Variants in JAZF1 observed in about 807,000 individuals in gnomAD.
JAZF1 encodes JAZF zinc finger 1.
A neutral mutation model predicts 26.4 loss-of-function variants in JAZF1; 8 were observed. The ratio of observed to expected loss-of-function variants is 0.30; its 90% CI spans 0.18 to 0.55. JAZF1 has a LOEUF of 0.55. Ranked by LOEUF, JAZF1 falls within the 20% of genes least tolerant of loss-of-function variation. JAZF1 has a pLI of 0.94. For synonymous variants in JAZF1, 126 were observed against 122.3 expected (o/e 1.03, Z -0.20); for missense variants, 199 against 322.0 (o/e 0.62, Z 2.92).
chr7:27,952,722 A>G, intron 2 of JAZF1, among the ~76,000 whole-genome samples: 1 of 152,214 alleles, frequency 6.6e-6, no homozygotes, highest in Non-Finnish European at 1.5e-5. Flanking sequence ...CCTTTCTATT[A>G]AAATCAGATG....
intron 1 of JAZF1, among the ~76,000 whole-genome samples, chr7:28,072,454 A>C (rs148223283): frequency 4.0e-3 from 605 of 152,388 alleles, no homozygotes; most frequent in Middle Eastern, 0.02. Flanking sequence ...ATATGGCTAT[A>C]TGCAACTCTA....
At chr7:28,047,744 C>T (rs113088948) in intron 1 of JAZF1, among the ~76,000 whole-genome samples, 3 of 152,008 alleles carry the variant, frequency 2.0e-5, no homozygotes, top group Non-Finnish European at 2.9e-5. Context: ...CCTTTTATGC[C>T]GTTAACTAAG....
At chr7:27,910,990 C>A (rs573201200) in intron 2 of JAZF1, among the ~76,000 whole-genome samples, 2 of 152,146 alleles carry the variant, frequency 1.3e-5, no homozygotes, top group Non-Finnish European at 2.9e-5. Context: ...GAGACAAATA[C>A]CCTAACTAAA....
intron 1 of JAZF1, among the ~76,000 whole-genome samples, chr7:28,011,447 TC>T (rs1373835313): frequency 6.6e-6 from 1 of 152,212 alleles, no homozygotes; most frequent in Non-Finnish European, 1.5e-5. Context: ...TTAAAACACT[TC>T]ACGCAAGGAC....
chr7:28,099,269 T>G (rs1426533361), intron 1 of JAZF1, among the ~76,000 whole-genome samples: 1 of 152,240 alleles, frequency 6.6e-6, no homozygotes, highest in Admixed American at 6.5e-5. Context: ...CATTTGATAC[T>G]TATTTCTTAA....
chr7:28,110,267 A>C (rs140553066), intron 1 of JAZF1, among the ~76,000 whole-genome samples: 3 of 152,014 alleles, frequency 2.0e-5, no homozygotes, highest in African/African-American at 7.2e-5. Context: ...TTCTGATAAA[A>C]ATACAAAAAT....
chr7:28,054,014 T>G (rs1403527477), intron 1 of JAZF1, among the ~76,000 whole-genome samples: 3 of 152,256 alleles, frequency 2.0e-5, no homozygotes, highest in African/African-American at 7.2e-5. Flanking sequence ...AGGGTAGGAA[T>G]CCTTGTCTAT....
At chr7:28,116,462 T>C (rs917522531) in intron 1 of JAZF1, among the ~76,000 whole-genome samples, 1 of 152,244 alleles carries the variant, frequency 6.6e-6, no homozygotes, top group African/African-American at 2.4e-5. Flanking sequence ...TCTCTTTTTT[T>C]CAGACAGAGT....
At chr7:28,049,029 CCCCTCCCCTTCCCT>C (rs1311931588) in intron 1 of JAZF1, among the ~76,000 whole-genome samples, 1 of 113,942 alleles carries the variant, frequency 8.8e-6, no homozygotes, top group Admixed American at 9.0e-5. Context: ...CCCTTCCCTT[CCCCTCCCCTTCCCT>C]CCCTCCCCTC....
chr7:28,077,378 AT>A (rs1583547644), intron 1 of JAZF1, among the ~76,000 whole-genome samples: 2 of 152,148 alleles, frequency 1.3e-5, no homozygotes, highest in Non-Finnish European at 2.9e-5. Flanking sequence ...GGCTTTAATT[AT>A]TTTACTGATT....
At chr7:27,981,018 C>G (rs560728349) in intron 2 of JAZF1, among the ~76,000 whole-genome samples, 1 of 152,260 alleles carries the variant, frequency 6.6e-6, no homozygotes, top group East Asian at 1.9e-4. Context: ...GTAACTTTAT[C>G]CTCTGAAAGT....
intron 3 of JAZF1, among the ~76,000 whole-genome samples, chr7:27,871,288 C>G (rs759727122): frequency 1.3e-5 from 2 of 152,128 alleles, no homozygotes; most frequent in African/African-American, 2.4e-5. Context: ...GTGCTGTGTG[C>G]CAACGGGGTT....
chr7:28,079,415 A>G (rs939610580), intron 1 of JAZF1, among the ~76,000 whole-genome samples: 4 of 152,146 alleles, frequency 2.6e-5, no homozygotes, highest in African/African-American at 7.2e-5. Flanking sequence ...CTCAAAATAC[A>G]TCTTCAATCC....
chr7:28,109,509 C>T (rs1367924144), intron 1 of JAZF1, among the ~76,000 whole-genome samples: 1 of 152,168 alleles, frequency 6.6e-6, no homozygotes, highest in African/African-American at 2.4e-5. Flanking sequence ...ATATCAACCA[C>T]CTGCCCAGGA....
intron 3 of JAZF1, among the ~76,000 whole-genome samples, chr7:27,882,425 C>T (rs1006556030): frequency 6.6e-6 from 1 of 151,984 alleles, no homozygotes; most frequent in Non-Finnish European, 1.5e-5. Context: ...TATGAATTAA[C>T]ACCAGTCCAA....
chr7:28,075,871 C>G (rs925980326), intron 1 of JAZF1, among the ~76,000 whole-genome samples: 10 of 152,188 alleles, frequency 6.6e-5, no homozygotes, highest in African/African-American at 2.2e-4. Flanking sequence ...ACAGTGACAT[C>G]AGATCATAAA....
intron 3 of JAZF1, among the ~76,000 whole-genome samples, chr7:27,894,311 A>G (rs993773050): frequency 1.3e-5 from 2 of 152,206 alleles, no homozygotes; most frequent in African/African-American, 4.8e-5. Flanking sequence ...GTGATTATAC[A>G]TGTGAGCCAC....
At chr7:27,984,887 G>A (rs991535779) in intron 2 of JAZF1, among the ~76,000 whole-genome samples, 2 of 152,164 alleles carry the variant, frequency 1.3e-5, no homozygotes, top group African/African-American at 4.8e-5. Flanking sequence ...CAGAAATAAA[G>A]ATGTTCTTTG....
chr7:28,000,170 G>A (rs983013411), intron 1 of JAZF1, among the ~76,000 whole-genome samples: 4 of 152,160 alleles, frequency 2.6e-5, no homozygotes, highest in Admixed American at 6.6e-5. Context: ...TATTTATAGA[G>A]ACACTTTTTA....
Sources: gnomAD v4.1 joint callset for allele counts (sites outside exome capture counted in the v4.1 genomes callset) on GRCh38, gnomAD v4.1.1 for gene constraint, MANE v1.5 for transcripts, NCBI Gene and HGNC (gene_info 2026-07-23, HGNC 2026-07-21) for gene names.